PHLPP2: variants seen among roughly 807,000 people sequenced by gnomAD.
PHLPP2 encodes the protein PH domain leucine-rich repeat-containing protein phosphatase 2.
A neutral mutation model predicts 124.9 loss-of-function variants in PHLPP2; 66 were observed. The observed-to-expected ratio is 0.53, with a 90% CI of 0.43 to 0.65. The LOEUF is 0.65. Ranked by LOEUF, PHLPP2 falls within the 30% of genes least tolerant of loss-of-function variation. The pLI, the probability that PHLPP2 is intolerant of heterozygous loss-of-function variation, is 0.00. For missense variants in PHLPP2, 1,685 were observed against 1,600.4 expected (o/e 1.05, Z -0.90); for synonymous variants, 681 against 624.7 (o/e 1.09, Z -1.34).
At chr16:71,673,813 T>A (rs1351556473) in intron 9 of PHLPP2, among the ~76,000 whole-genome samples, 4 of 152,150 alleles carry the variant, frequency 2.6e-5, no homozygotes. Flanking sequence ...TCTCCACAGC[T>A]AGGACTTACT....
intron 1 of PHLPP2, among the ~76,000 whole-genome samples, chr16:71,716,673 AC>A (rs1380986306): frequency 2.0e-5 from 3 of 152,066 alleles, no homozygotes; most frequent in African/African-American, 7.2e-5. Flanking sequence ...CTCCAAACAC[AC>A]CAAGTACACC....
At chr16:71,679,878 C>T (rs770429120) in intron 6 of PHLPP2, among the ~76,000 whole-genome samples, 4 of 152,062 alleles carry the variant, frequency 2.6e-5, no homozygotes, top group Admixed American at 6.6e-5. Context: ...GTTAGGAGAT[C>T]GAGACCATTC....
At chr16:71,653,881 G>A (rs1381266275) in intron 17 of PHLPP2, among the ~76,000 whole-genome samples, 1 of 152,088 alleles carries the variant, frequency 6.6e-6, no homozygotes, top group East Asian at 1.9e-4. Context: ...CTAACACGGT[G>A]AAACCCCATC....
chr16:71,674,324 C>T (rs1271201719), intron 9 of PHLPP2, among the ~76,000 whole-genome samples: 5 of 151,874 alleles, frequency 3.3e-5, no homozygotes. Context: ...GGTGATCTGC[C>T]CACCTAGGCC....
chr16:71,679,428 C>T lies in PHLPP2; in HGVS notation c.998G>A (p.Gly333Glu). The change falls in exon 7 of 19, where the codon GGA becomes GAA. Residue 333 changes from glycine to glutamate, a missense_variant. By Grantham distance (98) the Gly-to-Glu change is moderately conservative. Coordinates refer to ENST00000568954, the MANE Select transcript of PHLPP2 (RefSeq NM_015020.3). ...AATTTGACTTGGTAGGTCATGAAAT[C>T]CATTACAGGAAAGGTTGAGCTCAGT... ...TLTELNLSCN[G>E]FHDLPSQIGN... The T allele has an allele frequency of 6.2e-7, 1 of 1,613,840 alleles. No individual in the cohort carries two copies.
chr16:71,661,787 C>G (rs1165880326), intron 13 of PHLPP2, among the ~76,000 whole-genome samples: 2 of 152,026 alleles, frequency 1.3e-5, no homozygotes, highest in Admixed American at 6.6e-5. Context: ...CCAGCCTGGA[C>G]AACACAGCGA....
intron 5 of PHLPP2, among the ~76,000 whole-genome samples, chr16:71,683,393 C>G (rs2045022123): frequency 6.6e-6 from 1 of 152,206 alleles, no homozygotes; most frequent in African/African-American, 2.4e-5. Flanking sequence ...TTAGAGGTCA[C>G]TGTCCCATCA....
chr16:71,702,510 A>C, intron 3 of PHLPP2, 88 bp downstream of exon 3: 1 of 1,118,472 alleles, frequency 8.9e-7, no homozygotes, highest in South Asian at 1.7e-5. Flanking sequence ...CTTTTGATAA[A>C]ATACCTTTAA....
intron 9 of PHLPP2, among the ~76,000 whole-genome samples, chr16:71,674,849 T>C (rs754861665): frequency 7.9e-5 from 12 of 151,928 alleles, no homozygotes; most frequent in Non-Finnish European, 1.8e-4. Context: ...ATACAAAAAT[T>C]AGATGGGCAT....
intron 5 of PHLPP2, among the ~76,000 whole-genome samples, chr16:71,682,327 C>A (rs1940987602): frequency 6.6e-6 from 1 of 150,780 alleles, no homozygotes; most frequent in Non-Finnish European, 1.5e-5. Context: ...AAGCAATTCT[C>A]CTGTGCCACC....
intron 3 of PHLPP2, among the ~76,000 whole-genome samples, chr16:71,701,590 G>A (rs778903760): frequency 3.3e-5 from 5 of 152,078 alleles, no homozygotes; most frequent in Non-Finnish European, 7.4e-5. Flanking sequence ...TTTATCAGAT[G>A]GTGGTAGGAA....
chr16:71,682,153 T>C (rs959226229), intron 5 of PHLPP2, among the ~76,000 whole-genome samples: 4 of 151,546 alleles, frequency 2.6e-5, no homozygotes, highest in Admixed American at 2.6e-4. Context: ...AAAACACATA[T>C]CATTAAAGAT....
chr16:71,652,264 G>A (rs2044701857), intron 18 of PHLPP2, among the ~76,000 whole-genome samples: 2 of 152,198 alleles, frequency 1.3e-5, no homozygotes, highest in African/African-American at 4.8e-5. Flanking sequence ...GATAAACAAT[G>A]TTCACAAGTA....
intron 2 of PHLPP2, among the ~76,000 whole-genome samples, chr16:71,708,603 T>C (rs2045301159): frequency 6.6e-6 from 1 of 152,270 alleles, no homozygotes; most frequent in Non-Finnish European, 1.5e-5. Context: ...CTGGCCAACA[T>C]GGTGAAACCC....
At chr16:71,671,318 AT>A in intron 10 of PHLPP2, among the ~76,000 whole-genome samples, 1 of 152,150 alleles carries the variant, frequency 6.6e-6, no homozygotes, top group African/African-American at 2.4e-5. Context: ...TATCTTATGC[AT>A]TTTGCATTTA....
Position 71,678,997 on chromosome 16 carries a change from A to G in PHLPP2, c.1038-12T>C. 7.1e-7 allele frequency: 1 copy of G among 1,415,746 alleles called. No individual in the cohort carries two copies. Among genetic ancestry groups the G allele is most frequent in the Non-Finnish European group, 1.0e-6 (1 of 1,004,186 alleles). 87.7% of individuals were successfully genotyped at this position (1,415,746 alleles called of 1,614,324 possible). A position where few individuals can be genotyped will look rare whatever the true frequency, so the allele number is the denominator to read the frequency against. On this transcript the variant is annotated splice_polypyrimidine_tract_variant and intron_variant, in intron 7 of 18. Transcript: ENST00000568954. ...AGAGGGTTTGAAGACTATAGGAAGA[A>G]AACAAAACAAGTCTACTTTATGAAA...
chr16:71,671,416 C>G (rs1387855678), intron 10 of PHLPP2, among the ~76,000 whole-genome samples: 1 of 152,012 alleles, frequency 6.6e-6, no homozygotes, highest in African/African-American at 2.4e-5. Flanking sequence ...CCTGTACTCA[C>G]AGCACTTAGG....
intron 1 of PHLPP2, chr16:71,715,051 G>A (rs1017878495): frequency 8.0e-6 from 4 of 501,150 alleles, no homozygotes; most frequent in Admixed American, 3.6e-5. Flanking sequence ...TTTCAGAAAC[G>A]TGTCAAGAAT....
intron 16 of PHLPP2, 49 bp from the exon 17 acceptor site, chr16:71,655,483 A>T: frequency 7.5e-7 from 1 of 1,326,464 alleles, no homozygotes; most frequent in Non-Finnish European, 1.1e-6. Context: ...CTGGTAAAAT[A>T]TTATTCTCCA....
Sources: gnomAD v4.1 joint callset for allele counts (sites outside exome capture counted in the v4.1 genomes callset) on GRCh38, gnomAD v4.1.1 for gene constraint, MANE v1.5 for transcripts, NCBI Gene and HGNC (gene_info 2026-07-23, HGNC 2026-07-21) for gene names.